Variants in TSPEAR observed in about 807,000 individuals in gnomAD.
TSPEAR encodes thrombospondin type laminin G domain and EAR repeats.
In TSPEAR, 69 loss-of-function variants were observed where a neutral mutation model predicts 71.6. The observed-to-expected ratio is 0.96, with a 90% CI of 0.79 to 1.18. The LOEUF (loss-of-function observed/expected upper bound fraction) is 1.18, where lower values mean the gene tolerates loss of function less well. Among genes scored for constraint, TSPEAR ranks in the 50% most tolerant of loss-of-function variants. The probability of loss-of-function intolerance (pLI) is 0.00; values close to 1 mark genes in which losing one functional copy is unlikely to be tolerated. For synonymous variants in TSPEAR, 402 were observed against 387.2 expected, an observed-to-expected ratio of 1.04 and a Z score of -0.45; for missense variants, 971 against 894.9, an observed-to-expected ratio of 1.09 and a Z score of -1.09.
chr21:44,611,962 C>G, intron 1 of TSPEAR: 1 of 900,128 alleles, frequency 1.1e-6, no homozygotes, highest in Non-Finnish European at 1.7e-6. Context: ...GGCAAAGTCT[C>G]AGCCACAACA....
At chr21:44,554,984 TA>T (rs139957999) in intron 2 of TSPEAR, among the ~76,000 whole-genome samples, 1 of 152,158 alleles carries the variant, frequency 6.6e-6, no homozygotes, top group Non-Finnish European at 1.5e-5. Context: ...CTTTAATAGT[TA>T]AAAAATAAGC....
chr21:44,525,072 CAGTT>C (rs781890649), intron 8 of TSPEAR, among the ~76,000 whole-genome samples: 57 of 151,580 alleles, frequency 3.8e-4, no homozygotes, highest in South Asian at 1.0e-3. Context: ...GATAGTCAGT[CAGTT>C]AGCCAGTCAG....
chr21:44,576,795 A>C (rs1978487699), intron 1 of TSPEAR, among the ~76,000 whole-genome samples: 1 of 152,236 alleles, frequency 6.6e-6, no homozygotes, highest in South Asian at 2.1e-4. Context: ...AAGCCGACTT[A>C]AGGGATATTT....
intron 1 of TSPEAR, chr21:44,666,214 G>A (rs1340399623): frequency 1.8e-4 from 92 of 517,460 alleles, no homozygotes; most frequent in Middle Eastern, 4.9e-4. Flanking sequence ...GGTTTATTTG[G>A]CTCTCATGGG....
intron 1 of TSPEAR, among the ~76,000 whole-genome samples, chr21:44,569,249 C>A (rs2053752527): frequency 6.6e-6 from 1 of 152,196 alleles, no homozygotes; most frequent in South Asian, 2.1e-4. Context: ...CACACGCGCA[C>A]ACAGGGTGTG....
intron 1 of TSPEAR, among the ~76,000 whole-genome samples, chr21:44,571,951 C>T (rs912905525): frequency 1.3e-4 from 20 of 152,338 alleles, no homozygotes; most frequent in Admixed American, 3.9e-4. Context: ...GCGAGGCCCC[C>T]GGAGGGGCAC....
chr21:44,647,631 T>C, intron 1 of TSPEAR: 1 of 496,858 alleles, frequency 2.0e-6, no homozygotes, highest in Non-Finnish European at 3.8e-6. Context: ...CTCTAATCAA[T>C]AAATTCTTGA....
chr21:44,592,584 C>T, intron 1 of TSPEAR: 1 of 1,510,706 alleles, frequency 6.6e-7, no homozygotes, highest in Non-Finnish European at 8.9e-7. Context: ...GGGCCCACAG[C>T]TTCCCCTTCC....
rs1234326410 is a variant in TSPEAR at position 44,506,138 on chromosome 21, TTCTTGTTGCAAACAAATTTGCTGTG to T, written c.1755-1282_1755-1258del. On this transcript the variant is annotated intron_variant, in intron 10 of 11. Coordinates refer to ENST00000323084, the MANE Select transcript of TSPEAR (RefSeq NM_144991.3). This position sits in a 1 kb window ranked among gnomAD's most constrained non-coding sequence, Gnocchi z 4.2. ...ATGTTCTCCTAGAAGCAGAAGCTGT[TTCTTGTTGCAAACAAATTTGCTGTG>T]TCCTGTCTTAGGAGTCTCACCTGAA... 1.1e-4 allele frequency among the ~76,000 whole-genome samples: 16 copies of T among 152,208 alleles called. No individual in the cohort carries two copies. Among genetic ancestry groups the T allele is most frequent in the Non-Finnish European group, 2.4e-4 (16 of 68,028 alleles).
At chr21:44,635,002 A>G (rs1555936370) in intron 1 of TSPEAR, among the ~76,000 whole-genome samples, 1 of 152,174 alleles carries the variant, frequency 6.6e-6, no homozygotes, top group African/African-American at 2.4e-5. Flanking sequence ...ACTCCTAGGT[A>G]TATACCCAAC....
chr21:44,711,399 T>A lies in TSPEAR; in HGVS notation c.82+34A>T. 1 of 1,554,306 alleles carries A rather than the reference T, an allele frequency of 6.4e-7. No individual in the cohort carries two copies. The highest frequency in any genetic ancestry group is 8.7e-7 in the Non-Finnish European group (1 of 1,146,276). ...CACCCCTCCCAGCTCCCCGGCAAGA[T>A]ACCCCCGCCCGAGTTCCCATGCCCC... On this transcript the variant is annotated intron_variant, in intron 1 of 11. Transcript: ENST00000323084. This position sits in a 1 kb window ranked among gnomAD's most constrained non-coding sequence, Gnocchi z 4.5.
chr21:44,534,905 A>T (rs1314935576), intron 2 of TSPEAR, among the ~76,000 whole-genome samples: 1 of 152,256 alleles, frequency 6.6e-6, no homozygotes, highest in African/African-American at 2.4e-5. Context: ...GGGTAAACGC[A>T]GTGTGGTCCA....
At chr21:44,535,385 C>T (rs1279798424) in intron 2 of TSPEAR, among the ~76,000 whole-genome samples, 1 of 152,022 alleles carries the variant, frequency 6.6e-6, no homozygotes, top group Non-Finnish European at 1.5e-5. Flanking sequence ...TCATTCCTAG[C>T]CCAACACAAT....
intron 1 of TSPEAR, among the ~76,000 whole-genome samples, chr21:44,605,415 T>C (rs1569215602): frequency 6.6e-6 from 1 of 152,194 alleles, no homozygotes; most frequent in African/African-American, 2.4e-5. Flanking sequence ...TCTCTATCAA[T>C]TTCAATATCA....
At chr21:44,645,847 A>T (rs1984300846) in intron 1 of TSPEAR, among the ~76,000 whole-genome samples, 1 of 152,142 alleles carries the variant, frequency 6.6e-6, no homozygotes, top group African/African-American at 2.4e-5. Context: ...AGCTTGCTTG[A>T]AATATTTTCC....
intron 1 of TSPEAR, among the ~76,000 whole-genome samples, chr21:44,624,463 C>T (rs1334693959): frequency 1.3e-5 from 2 of 152,146 alleles, no homozygotes; most frequent in African/African-American, 4.8e-5. Flanking sequence ...GAATCCAGGA[C>T]TTCATGAAAA....
intron 1 of TSPEAR, among the ~76,000 whole-genome samples, chr21:44,669,906 G>T (rs1985975572): frequency 6.6e-6 from 1 of 152,134 alleles, no homozygotes; most frequent in Non-Finnish European, 1.5e-5. Flanking sequence ...CCCATCTACT[G>T]GGGGGCATTT....
At chr21:44,552,072 G>A (rs1221816594) in intron 2 of TSPEAR, among the ~76,000 whole-genome samples, 10 of 152,228 alleles carry the variant, frequency 6.6e-5, no homozygotes, top group Non-Finnish European at 1.3e-4. Flanking sequence ...AAGGCCTCTG[G>A]ACAGTCAGCT....
At chr21:44,705,170 C>T (rs1555952132) in intron 1 of TSPEAR, among the ~76,000 whole-genome samples, 1 of 152,244 alleles carries the variant, frequency 6.6e-6, no homozygotes, top group South Asian at 2.1e-4. Flanking sequence ...AATCTCTAAA[C>T]ATAAATTGTA....
Sources: allele counts gnomAD v4.1 joint callset (sites outside exome capture counted in the v4.1 genomes callset), GRCh38; gene constraint gnomAD v4.1.1; non-coding constraint Gnocchi (gnomAD v3.1); transcripts MANE v1.5; gene names NCBI Gene and HGNC (gene_info 2026-07-23, HGNC 2026-07-21).